The following RABL3 variants were observed in gnomAD, a reference collection of about 807,000 sequenced individuals.
RABL3 encodes RAB, member of RAS oncogene family like 3, also known as rab-like protein 3.
A neutral mutation model predicts 31.8 loss-of-function variants in RABL3; 31 were observed. The ratio of observed to expected loss-of-function variants is 0.97; its 90% CI spans 0.73 to 1.31. The LOEUF (loss-of-function observed/expected upper bound fraction) is 1.31. Among genes scored for constraint, RABL3 ranks in the 40% most tolerant of loss-of-function variants. The probability of loss-of-function intolerance (pLI) is 0.00; values close to 1 mark genes in which losing one functional copy is unlikely to be tolerated. For synonymous variants in RABL3, 97 were observed against 99.9 expected, an observed-to-expected ratio of 0.97 and a Z score of 0.18; for missense variants, 263 against 279.6, an observed-to-expected ratio of 0.94 and a Z score of 0.42.
intron 2 of RABL3, among the ~76,000 whole-genome samples, chr3:120,727,339 T>C (rs1459656010): frequency 4.6e-5 from 7 of 152,260 alleles, no homozygotes; most frequent in African/African-American, 1.7e-4. Context: ...TGAAAAACAG[T>C]AAGACGGAAA....
chr3:120,693,135 C>T (rs1411732481), intron 6 of RABL3, among the ~76,000 whole-genome samples: 4 of 132,424 alleles, frequency 3.0e-5, no homozygotes, highest in Non-Finnish European at 6.3e-5. Context: ...GCTCTGAGAA[C>T]TGAGGGAAAT....
At chr3:120,718,896 G>T (rs1298332951) in intron 2 of RABL3, among the ~76,000 whole-genome samples, 1 of 152,116 alleles carries the variant, frequency 6.6e-6, no homozygotes, top group African/African-American at 2.4e-5. Flanking sequence ...ATAACAAAAT[G>T]TTAAATCCTT....
At position 120,705,541 on chromosome 3, in the gene RABL3, A is replaced by ATTT. The variant is rs1708538923; in HGVS notation, c.383+458_383+459insAAA. Among the ~76,000 whole-genome samples the ATTT allele has an allele frequency of 2.0e-5, 3 of 152,214 alleles. No individual in the cohort carries two copies. In the South Asian group the frequency reaches 6.2e-4, roughly 32 times the overall value. ...AGGAGCAAAAGCAATTCAATGGAGA[A>ATTT]AGGATATCTTTTCAATAAATGGTGC... is the stretch of plus-strand genomic sequence containing the variant. On this transcript the variant is annotated intron_variant, in intron 4 of 7. Transcript: ENST00000273375.
chr3:120,705,924 T>C (rs1708542390), intron 4 of RABL3, 76 bp downstream of exon 4: 1 of 887,870 alleles, frequency 1.1e-6, no homozygotes, highest in Non-Finnish European at 1.9e-6. Context: ...AATCAAACAT[T>C]TTACAAAGTG....
chr3:120,722,305 C>T (rs1576342502), intron 2 of RABL3: 1 of 152,100 alleles, frequency 6.6e-6, no homozygotes, highest in Admixed American at 6.5e-5. Context: ...AACCAGTCTA[C>T]ATAAAACCTA....
chr3:120,698,143 G>A (rs369534617), intron 5 of RABL3, among the ~76,000 whole-genome samples: 2 of 152,240 alleles, frequency 1.3e-5, no homozygotes, highest in East Asian at 1.9e-4. Flanking sequence ...CAGTCTGGGC[G>A]ACAGAGCGAG....
At chr3:120,722,975 C>T (rs1011336087) in intron 2 of RABL3, among the ~76,000 whole-genome samples, 23 of 152,064 alleles carry the variant, frequency 1.5e-4, no homozygotes, top group Non-Finnish European at 3.4e-4. Context: ...AATAATGATA[C>T]AAAAAACTCT....
intron 1 of RABL3, among the ~76,000 whole-genome samples, chr3:120,739,846 G>T (rs988603815): frequency 6.6e-6 from 1 of 152,186 alleles, no homozygotes; most frequent in African/African-American, 2.4e-5. Context: ...TAGCTTAATT[G>T]TGTTAGGGTA....
chr3:120,709,984 G>A (rs897955259), intron 2 of RABL3, 75 bp from the exon 3 acceptor site: 2 of 1,051,180 alleles, frequency 1.9e-6, no homozygotes, highest in African/African-American at 3.2e-5. Context: ...CCGGTTTAAA[G>A]CATTTCAGCA....
chr3:120,698,115 G>A (rs1254737479), intron 5 of RABL3, among the ~76,000 whole-genome samples: 1 of 152,196 alleles, frequency 6.6e-6, no homozygotes, highest in Non-Finnish European at 1.5e-5. Context: ...AGTGAGCTGA[G>A]AACGCGCCAC....
rs1409831818 is a variant in RABL3, at chr3:120,686,194, T to C, written c.*3629A>G. 6.6e-6 allele frequency among the ~76,000 whole-genome samples: 1 copy of C among 152,184 alleles called. No homozygotes were observed. Among genetic ancestry groups the C allele is most frequent in the Non-Finnish European group, 1.5e-5 (1 of 68,042 alleles). On this transcript the variant is annotated 3_prime_UTR_variant, in exon 8 of 8. Transcript: ENST00000273375. ...CGGAGAAATGAATTTCTAATTTCCT[T>C]CTCCTCCTTTCCCCAAAACAGACTC...
intron 7 of RABL3, 49 bp downstream of exon 7, chr3:120,690,400 C>T (rs766076323): frequency 2.2e-6 from 3 of 1,336,592 alleles, no homozygotes; most frequent in South Asian, 1.2e-5. Flanking sequence ...ATTTGGAAAT[C>T]ACCTATCAAA....
rs139555437 is a variant in RABL3, at chr3:120,727,744, A to G, written c.138+2952T>C. On this transcript the variant is annotated intron_variant, in intron 2 of 7. Coordinates refer to ENST00000273375, the MANE Select transcript of RABL3 (RefSeq NM_173825.5). ...TAGTGATATATGAAAAGAGCAGCAC[A>G]AGACCAAGTTAGAGTTATTACAGGA... Among the ~76,000 whole-genome samples the G allele has an allele frequency of 8.2e-4, 125 of 152,340 alleles. 2 individuals carry two copies. The East Asian group carries it at 0.019, about 23-fold the overall frequency.
chr3:120,732,855 T>C (rs1708903369), intron 1 of RABL3, among the ~76,000 whole-genome samples: 1 of 152,132 alleles, frequency 6.6e-6, no homozygotes. Context: ...GAATGATGGT[T>C]TCCAGCTTCA....
At chr3:120,696,628 CAT>C (rs1434005108) in intron 5 of RABL3, among the ~76,000 whole-genome samples, 9 of 144,582 alleles carry the variant, frequency 6.2e-5, no homozygotes, top group African/African-American at 2.1e-4. Context: ...CACACACACA[CAT>C]GCACGCGATT....
intron 2 of RABL3, among the ~76,000 whole-genome samples, chr3:120,721,661 C>G (rs957880469): frequency 6.6e-6 from 1 of 152,184 alleles, no homozygotes; most frequent in Non-Finnish European, 1.5e-5. Context: ...AATACAGGAG[C>G]ACCCAGATTC....
chr3:120,715,862 G>T (rs374184624), intron 2 of RABL3, among the ~76,000 whole-genome samples: 5 of 152,178 alleles, frequency 3.3e-5, no homozygotes, highest in African/African-American at 1.2e-4. Context: ...TATGATCCAG[G>T]ACAAGTCATG....
Position 120,706,608 on chromosome 3 carries a change from T to C in RABL3, c.269-494A>G, listed in dbSNP as rs186675357. Among the ~76,000 whole-genome samples the C allele has an allele frequency of 1.0e-3, 157 of 152,036 alleles. 5 individuals are homozygous for C. The East Asian group carries it at 0.025, about 24-fold the overall frequency. On this transcript the variant is annotated intron_variant, in intron 3 of 7. Coordinates refer to ENST00000273375, the MANE Select transcript of RABL3 (RefSeq NM_173825.5). ...GAAAATCTACTAAAATAGTACTGAT[T>C]TGATACAATTGCTATTCTTTAGCTG...
At chr3:120,707,484 AATT>A (rs1708562418) in intron 3 of RABL3, among the ~76,000 whole-genome samples, 1 of 152,144 alleles carries the variant, frequency 6.6e-6, no homozygotes. Context: ...TCCTATGAAG[AATT>A]ATTATTATCT....
Sources: allele counts gnomAD v4.1 joint callset (sites outside exome capture counted in the v4.1 genomes callset), GRCh38; gene constraint gnomAD v4.1.1; transcripts MANE v1.5; gene names NCBI Gene and HGNC (gene_info 2026-07-23, HGNC 2026-07-21).